Variants in SGCG observed in about 807,000 individuals in gnomAD.
The protein encoded by SGCG is gamma-sarcoglycan.
SGCG carries 26 observed loss-of-function variants against 29.3 expected under a neutral mutation model. The ratio of observed to expected loss-of-function variants is 0.89; its 90% CI spans 0.65 to 1.23. The LOEUF (loss-of-function observed/expected upper bound fraction) is 1.23. Among genes scored for constraint, SGCG ranks in the 50% most tolerant of loss-of-function variants. SGCG has a pLI of 0.00. For synonymous variants in SGCG, 145 were observed against 129.7 expected (o/e 1.12, Z -0.80); for missense variants, 353 against 356.0 (o/e 0.99, Z 0.07).
chr13:23,171,727 C>T, the SGCG span, among the ~76,000 whole-genome samples: 2 of 152,204 alleles, frequency 1.3e-5, no homozygotes, highest in Non-Finnish European at 2.9e-5. Flanking sequence ...ACCTAGATCC[C>T]TCTCATGAGT....
chr13:23,191,923 C>T (rs960990813), intron 1 of SGCG, among the ~76,000 whole-genome samples: 4 of 152,132 alleles, frequency 2.6e-5, no homozygotes, highest in East Asian at 3.9e-4. Context: ...CGGTGGCTCA[C>T]GCCTGTAATC....
intron 4 of SGCG, among the ~76,000 whole-genome samples, chr13:23,263,616 G>C (rs1378265565): frequency 6.6e-6 from 1 of 151,904 alleles, no homozygotes; most frequent in Admixed American, 6.6e-5. Flanking sequence ...TCAAAGCCAG[G>C]AAAGAAAATA....
intron 1 of SGCG, among the ~76,000 whole-genome samples, chr13:23,194,191 G>A (rs186542268): frequency 1.1e-3 from 175 of 152,268 alleles, no homozygotes; most frequent in African/African-American, 4.0e-3. Flanking sequence ...AGATTTGCCT[G>A]TTCTTTAGAA....
chr13:23,251,413 A>C (rs1435234064), intron 4 of SGCG, among the ~76,000 whole-genome samples: 1 of 152,192 alleles, frequency 6.6e-6, no homozygotes. Flanking sequence ...GTCACATGGA[A>C]TCCTGCAAAG....
intron 6 of SGCG, among the ~76,000 whole-genome samples, chr13:23,314,246 TAGTC>T (rs1024100491): frequency 2.2e-4 from 33 of 149,730 alleles, no homozygotes; most frequent in Non-Finnish European, 4.6e-4. Context: ...ATTGGTGTAT[TAGTC>T]AGGGTTCCCT....
At chr13:23,297,990 T>C (rs61946745) in intron 6 of SGCG, among the ~76,000 whole-genome samples, 56,040 of 151,296 alleles carry the variant, frequency 0.37, 10,949 homozygotes, top group East Asian at 0.79. Context: ...GGTGATCTGC[T>C]CACCTTGGCC....
intron 2 of SGCG, among the ~76,000 whole-genome samples, chr13:23,215,802 A>C (rs868489411): frequency 1.5e-5 from 1 of 68,880 alleles, no homozygotes; most frequent in Non-Finnish European, 3.1e-5. Flanking sequence ...CTGAGAGTTA[A>C]AAAAAAAAAA....
At chr13:23,285,542 G>A (rs1430115020) in intron 5 of SGCG, among the ~76,000 whole-genome samples, 2 of 152,210 alleles carry the variant, frequency 1.3e-5, no homozygotes, top group Admixed American at 6.5e-5. Flanking sequence ...TAGCTTACTA[G>A]GCTCCATGGG....
intron 2 of SGCG, among the ~76,000 whole-genome samples, chr13:23,234,342 C>A (rs1879225301): frequency 1.3e-5 from 2 of 151,856 alleles, no homozygotes; most frequent in Admixed American, 1.3e-4. Context: ...AAAATGGATT[C>A]TTTTTCTTAC....
At chr13:23,264,909 C>A (rs71429833) in intron 4 of SGCG, among the ~76,000 whole-genome samples, 9,731 of 152,114 alleles carry the variant, frequency 0.064, 463 homozygotes, top group East Asian at 0.12. Flanking sequence ...TTTCTACTCT[C>A]ACCATATACA....
intron 6 of SGCG, among the ~76,000 whole-genome samples, chr13:23,311,060 A>G (rs1037429383): frequency 6.6e-6 from 1 of 152,162 alleles, no homozygotes; most frequent in African/African-American, 2.4e-5. Flanking sequence ...GTGAAGATCT[A>G]TAGATTGTAC....
intron 4 of SGCG, among the ~76,000 whole-genome samples, chr13:23,263,031 A>G (rs1880503564): frequency 6.6e-6 from 1 of 152,054 alleles, no homozygotes; most frequent in East Asian, 1.9e-4. Context: ...TTATAGCCCA[A>G]ATTCCTACAT....
chr13:23,253,189 G>T (rs533963070), intron 4 of SGCG, among the ~76,000 whole-genome samples: 1 of 152,274 alleles, frequency 6.6e-6, no homozygotes, highest in Non-Finnish European at 1.5e-5. Context: ...CAGGGCTTCA[G>T]TGAGCTATGA....
intron 6 of SGCG, among the ~76,000 whole-genome samples, chr13:23,309,696 G>T (rs1882488211): frequency 6.6e-6 from 1 of 152,124 alleles, no homozygotes; most frequent in African/African-American, 2.4e-5. Flanking sequence ...TTTGGTCTAA[G>T]TACCCACCTC....
intron 4 of SGCG, among the ~76,000 whole-genome samples, 168 bp from the exon 5 acceptor site, chr13:23,279,191 C>T (rs1285945913): frequency 2.0e-5 from 3 of 152,104 alleles, no homozygotes; most frequent in East Asian, 3.8e-4. Context: ...TAGATTTAGA[C>T]TTAAAAGTTG....
intron 3 of SGCG, among the ~76,000 whole-genome samples, chr13:23,247,880 G>A (rs961403405): frequency 4.7e-5 from 7 of 148,456 alleles, no homozygotes; most frequent in African/African-American, 1.7e-4. Context: ...GAATCCACGA[G>A]TCTCAGGCTA....
chr13:23,279,458 C>A lies in SGCG; in HGVS notation c.485C>A (p.Thr162Lys), dbSNP rs770939408. ...TVDEKEVVVG[T>K]DKLRVTGPEG... ...GATGAGAAGGAAGTTGTGGTTGGTA[C>A]AGATAAACTTCGAGTAACTGGTATG... The change falls in exon 5 of 8, where the codon ACA becomes AAA. Residue 162 changes from threonine (T) to lysine (K), a missense_variant. Thr to Lys is a moderately conservative substitution (Grantham distance 78). Transcript: ENST00000218867. 1.2e-6 allele frequency: 2 copies of A among 1,613,112 alleles called. No individual in the cohort carries two copies. The highest frequency in any genetic ancestry group is 1.7e-6 in the Non-Finnish European group (2 of 1,179,360).
intron 2 of SGCG, among the ~76,000 whole-genome samples, chr13:23,222,338 T>G (rs530529195): frequency 6.6e-6 from 1 of 152,160 alleles, no homozygotes; most frequent in South Asian, 2.1e-4. Flanking sequence ...GTTTGCCTTC[T>G]TCACAGACAT....
At chr13:23,256,486 G>A (rs202040404) in intron 4 of SGCG, among the ~76,000 whole-genome samples, 3 of 151,980 alleles carry the variant, frequency 2.0e-5, no homozygotes, top group Non-Finnish European at 4.4e-5. Context: ...CCATTAACTC[G>A]TCATGTACAT....
Sources: gnomAD v4.1 joint callset for allele counts (sites outside exome capture counted in the v4.1 genomes callset) on GRCh38, gnomAD v4.1.1 for gene constraint, MANE v1.5 for transcripts, NCBI Gene and HGNC (gene_info 2026-07-23, HGNC 2026-07-21) for gene names.